PDE8B: variants seen among roughly 807,000 people sequenced by gnomAD.
The protein encoded by PDE8B is high affinity cAMP-specific and IBMX-insensitive 3',5'-cyclic phosphodiesterase 8B.
A neutral mutation model predicts 101.3 loss-of-function variants in PDE8B; 26 were observed. That is an observed-to-expected ratio of 0.26 (90% CI 0.19 to 0.36). PDE8B has a LOEUF of 0.36. Among genes scored for constraint, PDE8B ranks in the 10% least tolerant of loss-of-function variants. The pLI, the probability that PDE8B is intolerant of heterozygous loss-of-function variation, is 1.00. For synonymous variants in PDE8B, 424 were observed against 429.3 expected (o/e 0.99, Z 0.15); for missense variants, 810 against 1,163.1 (o/e 0.70, Z 4.42).
At chr5:77,287,949 C>A (rs1480334575) in intron 1 of PDE8B, among the ~76,000 whole-genome samples, 1 of 152,172 alleles carries the variant, frequency 6.6e-6, no homozygotes, top group Non-Finnish European at 1.5e-5. Context: ...CCTCTCTTGG[C>A]TTTTGGTCAA....
intron 1 of PDE8B, chr5:77,290,306 G>A: frequency 6.5e-7 from 1 of 1,543,374 alleles, no homozygotes; most frequent in South Asian, 1.1e-5. Flanking sequence ...AGTATGCATG[G>A]CTGAAAGAGG....
intron 1 of PDE8B, among the ~76,000 whole-genome samples, chr5:77,226,641 A>G (rs1231661636): frequency 6.6e-6 from 1 of 152,240 alleles, no homozygotes; most frequent in Non-Finnish European, 1.5e-5. Flanking sequence ...TTATCTATCC[A>G]GAGCATTAAC....
chr5:77,360,292 C>G (rs545959316), intron 10 of PDE8B, among the ~76,000 whole-genome samples: 175 of 152,080 alleles, frequency 1.2e-3, no homozygotes, highest in African/African-American at 4.1e-3. Context: ...GGTTGCACTT[C>G]TACATGACTT....
upstream of PDE8B, chr5:77,210,400 G>GGCGGCT (rs1435983262): frequency 1.9e-5 from 3 of 154,810 alleles, no homozygotes; most frequent in East Asian, 5.9e-4. The surrounding 1 kb of genome is among the most constrained non-coding windows in gnomAD (Gnocchi z 4.9). Flanking sequence ...GTGGGGCCCG[G>GGCGGCT]GCGGCTGCGG....
rs116317720 is a variant in PDE8B, at chr5:77,215,345, A to G, written c.339+4081A>G. On this transcript the variant is annotated intron_variant, in intron 1 of 21. Coordinates refer to ENST00000264917, the MANE Select transcript of PDE8B (RefSeq NM_003719.5). ...CATTTTTCATTTTAAAATGAAGTAT[A>G]AAGTTTAATAAGCTCAAATGAGTCC... Among the ~76,000 whole-genome samples the G allele has an allele frequency of 9.8e-3, 1,493 of 152,362 alleles. 18 individuals are homozygous for G. Among genetic ancestry groups the G allele is most frequent in the Non-Finnish European group, 0.011 (756 of 68,040 alleles).
At chr5:77,389,642 C>T (rs1789483197) in intron 10 of PDE8B, among the ~76,000 whole-genome samples, 1 of 152,202 alleles carries the variant, frequency 6.6e-6, no homozygotes, top group South Asian at 2.1e-4. Flanking sequence ...CAGTCTATCT[C>T]TGTCCACCCA....
intron 5 of PDE8B, among the ~76,000 whole-genome samples, chr5:77,334,637 T>C (rs1326852905): frequency 6.6e-6 from 1 of 152,144 alleles, no homozygotes; most frequent in Non-Finnish European, 1.5e-5. Context: ...ATTTACTTAA[T>C]CCTCCTCTAC....
At chr5:77,353,580 C>A (rs1029370084) in intron 10 of PDE8B, among the ~76,000 whole-genome samples, 174 bp downstream of exon 10, 3 of 152,136 alleles carry the variant, frequency 2.0e-5, no homozygotes, top group Non-Finnish European at 1.5e-5. Context: ...TATTTCCCAG[C>A]AAACCTATAT....
At chr5:77,231,645 GA>G (rs1331499177) in intron 1 of PDE8B, among the ~76,000 whole-genome samples, 1 of 152,200 alleles carries the variant, frequency 6.6e-6, no homozygotes, top group Non-Finnish European at 1.5e-5. Flanking sequence ...GGTCCCACGG[GA>G]AACAGCTCAC....
chr5:77,096,121 C>G, the PDE8B span, among the ~76,000 whole-genome samples: 1 of 152,118 alleles, frequency 6.6e-6, no homozygotes, highest in Non-Finnish European at 1.5e-5. Flanking sequence ...TCCCCAGTAG[C>G]TGGGACTACA....
At chr5:77,349,336 A>G (rs1780682661) in intron 7 of PDE8B, 83 bp from the exon 8 acceptor site, 2 of 1,572,644 alleles carry the variant, frequency 1.3e-6, no homozygotes, top group South Asian at 1.1e-5. Flanking sequence ...GGGTCCCAAC[A>G]AGTCTTCCTA....
Position 77,426,515 on chromosome 5 carries a change from C to A in PDE8B, c.2619C>A (p.Asp873Glu). ...DNYKHWKTLD[D>E]LKCKSLRLPS... is the part of the protein sequence containing the mutation. Reference sequence around the variant, plus strand: ...ACAAACACTGGAAGACACTAGATGACCTAAAGTGCAAAAGTTTGAGGCTTC... The same window carrying A: ...ACAAACACTGGAAGACACTAGATGAACTAAAGTGCAAAAGTTTGAGGCTTC... Residue 873 changes from aspartate to glutamate, a missense_variant, in exon 22 of 22, where the codon GAC (aspartate) becomes GAA (glutamate). Coordinates refer to ENST00000264917, the MANE Select transcript of PDE8B (RefSeq NM_003719.5). 1 of 1,613,356 alleles carries A rather than the reference C, an allele frequency of 6.2e-7. No homozygotes were observed. The highest frequency in any genetic ancestry group is 2.2e-5 in the East Asian group (1 of 44,874).
At position 77,245,493 on chromosome 5, in the gene PDE8B, G is replaced by A. The variant is rs115803457; in HGVS notation, c.339+34229G>A. Among the ~76,000 whole-genome samples the A allele has an allele frequency of 6.5e-3, 987 of 152,246 alleles. 8 individuals are homozygous for A. The highest frequency in any genetic ancestry group is 0.021 in the African/African-American group (873 of 41,536). ...CTGAGAATTGACAGTCTCTCTGATC[G>A]TACAGAAGACAAGGCCCAGACCTTC... On this transcript the variant is annotated intron_variant, in intron 1 of 21. Coordinates refer to ENST00000264917, the MANE Select transcript of PDE8B (RefSeq NM_003719.5).
chr5:77,393,287 G>A (rs566710660), intron 10 of PDE8B, among the ~76,000 whole-genome samples: 3 of 152,112 alleles, frequency 2.0e-5, no homozygotes, highest in South Asian at 2.1e-4. Flanking sequence ...CCAGCTACTC[G>A]GGTGGCTGAG....
chr5:77,171,293 G>T, the PDE8B span, among the ~76,000 whole-genome samples: 1 of 152,128 alleles, frequency 6.6e-6, no homozygotes, highest in Admixed American at 6.5e-5. Context: ...CTATTTAGGG[G>T]TATGACTTGG....
At chr5:77,216,914 G>A (rs762253253) in intron 1 of PDE8B, among the ~76,000 whole-genome samples, 57 of 152,280 alleles carry the variant, frequency 3.7e-4, no homozygotes, top group Non-Finnish European at 6.9e-4. Context: ...AAGGCTCTTC[G>A]TAACAGGCAA....
the PDE8B span, among the ~76,000 whole-genome samples, chr5:77,126,057 T>C: frequency 6.6e-6 from 1 of 152,008 alleles, no homozygotes; most frequent in Non-Finnish European, 1.5e-5. Context: ...GAGGCTGAGG[T>C]GGGCGGATCA....
the PDE8B span, among the ~76,000 whole-genome samples, chr5:77,198,974 C>A: frequency 6.6e-6 from 1 of 152,070 alleles, no homozygotes; most frequent in Non-Finnish European, 1.5e-5. Flanking sequence ...ATGTCTTATT[C>A]GTCTTTTCCC....
At chr5:77,303,763 A>G (rs1212817213) in intron 1 of PDE8B, among the ~76,000 whole-genome samples, 1 of 152,206 alleles carries the variant, frequency 6.6e-6, no homozygotes, top group Non-Finnish European at 1.5e-5. Flanking sequence ...AAGTATTTGT[A>G]AACTTCAAGT....
Sources: gnomAD v4.1 joint callset for allele counts (sites outside exome capture counted in the v4.1 genomes callset) on GRCh38, gnomAD v4.1.1 for gene constraint, Gnocchi (gnomAD v3.1) non-coding constraint, MANE v1.5 for transcripts, NCBI Gene and HGNC (gene_info 2026-07-23, HGNC 2026-07-21) for gene names.